Variants in KIF13B observed in about 807,000 individuals in gnomAD.
KIF13B encodes kinesin family member 13B, also known as kinesin-like protein KIF13B.
In KIF13B, 127 loss-of-function variants were observed where a neutral mutation model predicts 222.0. The observed-to-expected ratio is 0.57, with a 90% CI of 0.50 to 0.66. The LOEUF is 0.66. Ranked by LOEUF, KIF13B falls within the 30% of genes least tolerant of loss-of-function variation. KIF13B has a pLI of 0.00. For missense variants in KIF13B, 2,173 were observed against 2,379.0 expected (o/e 0.91, Z 1.80); for synonymous variants, 976 against 919.0 (o/e 1.06, Z -1.12).
In KIF13B at chr8:29,130,568, C is replaced by T; in HGVS notation, c.3040G>A (p.Asp1014Asn). ...TGGAAGATTCCTCCTGTTGGGACAT[C>T]CTTTGCAGAAATCACTTCTACAGGG... ...YCPVEVISAK[D>N]VPTGGIFQLR... Residue 1014 changes from aspartate to asparagine, a missense_variant, in exon 24 of 40, where the codon GAT becomes AAT. Coordinates refer to ENST00000524189, the MANE Select transcript of KIF13B (RefSeq NM_015254.4). 1 of 1,613,792 alleles carries T rather than the reference C, an allele frequency of 6.2e-7. No homozygotes were observed. Among genetic ancestry groups the T allele is most frequent in the Non-Finnish European group, 8.5e-7 (1 of 1,179,744 alleles).
chr8:29,133,204 T>C (rs17527201), intron 22 of KIF13B, among the ~76,000 whole-genome samples: 18,828 of 152,244 alleles, frequency 0.12, 1,252 homozygotes, highest in Middle Eastern at 0.16. Flanking sequence ...TCACCAGCCA[T>C]GGACAAACCA....
chr8:29,075,369 G>C (rs779941766), intron 37 of KIF13B, 26 bp from the exon 38 acceptor site: 2 of 1,549,650 alleles, frequency 1.3e-6, no homozygotes, highest in East Asian at 4.9e-5. Flanking sequence ...TGCAGGTCAG[G>C]GGTCGAGAGG....
At chr8:29,078,279 C>CA (rs1306510216) in intron 37 of KIF13B, among the ~76,000 whole-genome samples, 1 of 130,322 alleles carries the variant, frequency 7.7e-6, no homozygotes, top group African/African-American at 3.0e-5. Flanking sequence ...GCCTGGCCAA[C>CA]AATAGCAAAA....
At chr8:29,249,581 G>GT (rs1816190534) in intron 1 of KIF13B, among the ~76,000 whole-genome samples, 1 of 151,846 alleles carries the variant, frequency 6.6e-6, no homozygotes, top group Admixed American at 6.6e-5. Flanking sequence ...AAAGGTAATT[G>GT]TTTTTTTCAC....
chr8:29,255,172 C>G (rs1368368771), intron 1 of KIF13B, among the ~76,000 whole-genome samples: 1 of 152,090 alleles, frequency 6.6e-6, no homozygotes, highest in African/African-American at 2.4e-5. Context: ...TTACAAGGTT[C>G]CTCTGTGGGG....
intron 37 of KIF13B, among the ~76,000 whole-genome samples, chr8:29,077,621 T>C (rs1248129497): frequency 1.3e-5 from 2 of 152,222 alleles, no homozygotes; most frequent in Admixed American, 6.5e-5. Context: ...GCGCCTAACA[T>C]GAAACCTTTT....
chr8:29,130,794 G>T, intron 23 of KIF13B, 129 bp from the exon 24 acceptor site: 1 of 784,084 alleles, frequency 1.3e-6, no homozygotes, highest in East Asian at 2.6e-5. Flanking sequence ...ATGATCTGTA[G>T]TTCAGTGAAT....
chr8:29,208,009 C>G (rs890567533), intron 2 of KIF13B, among the ~76,000 whole-genome samples: 8 of 152,174 alleles, frequency 5.3e-5, no homozygotes, highest in African/African-American at 1.9e-4. Context: ...CAAGTCCTTG[C>G]CCTCAAGGAG....
intron 13 of KIF13B, among the ~76,000 whole-genome samples, chr8:29,160,392 A>G (rs1186188926): frequency 6.6e-6 from 1 of 152,254 alleles, no homozygotes; most frequent in Non-Finnish European, 1.5e-5. Context: ...TGTGCTTCAC[A>G]TAAACCATAA....
At chr8:29,156,330 G>A (rs1811524213) in intron 13 of KIF13B, among the ~76,000 whole-genome samples, 1 of 152,114 alleles carries the variant, frequency 6.6e-6, no homozygotes, top group Non-Finnish European at 1.5e-5. Flanking sequence ...CAGGAAGGGA[G>A]CGAGATTTGG....
intron 37 of KIF13B, among the ~76,000 whole-genome samples, chr8:29,088,224 C>A (rs1414490126): frequency 2.0e-5 from 3 of 151,998 alleles, no homozygotes; most frequent in Middle Eastern, 6.8e-3. Flanking sequence ...TGAGATCGCA[C>A]CACTGTACTC....
intron 25 of KIF13B, among the ~76,000 whole-genome samples, 162 bp downstream of exon 25, chr8:29,126,960 C>T (rs1254217826): frequency 6.6e-6 from 1 of 152,032 alleles, no homozygotes; most frequent in Non-Finnish European, 1.5e-5. Flanking sequence ...CAGTCCGATG[C>T]AGTGATTCCA....
intron 2 of KIF13B, among the ~76,000 whole-genome samples, chr8:29,242,793 T>C (rs921050388): frequency 1.3e-4 from 20 of 152,220 alleles, no homozygotes; most frequent in Non-Finnish European, 2.4e-4. Flanking sequence ...TGTTTTGACC[T>C]GGTTTTCCAA....
intron 2 of KIF13B, among the ~76,000 whole-genome samples, chr8:29,224,457 T>G (rs1161548667): frequency 2.0e-5 from 3 of 152,176 alleles, no homozygotes; most frequent in African/African-American, 7.2e-5. Context: ...AACTTCAAAG[T>G]TGTGTTGAAT....
At chr8:29,193,014 A>G (rs538005021) in intron 3 of KIF13B, among the ~76,000 whole-genome samples, 216 of 152,294 alleles carry the variant, frequency 1.4e-3, no homozygotes, top group African/African-American at 4.9e-3. Context: ...GGAGGCAGAT[A>G]ACCCTGGCAG....
rs1334460577 is a variant in KIF13B at position 29,191,030 on chromosome 8, A to G, written c.190T>C (p.Ser64Pro). The change falls in exon 4 of 40, where the codon TCT (serine) becomes CCT (proline). Residue 64 changes from serine to proline, a missense_variant. Transcript: ENST00000524189. The stretch of plus-strand genomic sequence containing the variant: ...TTTTCTTTGACAGATTCATCCATAG[A>G]CCAGAAACAATGATCATAAGCAAAC... ...KVFAYDHCFW[S>P]MDESVKEKYA... is the part of the protein sequence containing the mutation. The G allele has an allele frequency of 6.2e-7, 1 of 1,612,562 alleles. No individual in the cohort carries two copies. Among genetic ancestry groups the G allele is most frequent in the South Asian group, 1.1e-5 (1 of 90,826 alleles).
At chr8:29,195,193 A>C (rs933816059) in intron 3 of KIF13B, among the ~76,000 whole-genome samples, 1 of 152,198 alleles carries the variant, frequency 6.6e-6, no homozygotes, top group Non-Finnish European at 1.5e-5. Flanking sequence ...GATTGCAGTG[A>C]GCCAAGATCA....
At chr8:29,262,947 C>T (rs1816742713) in intron 1 of KIF13B, 33 bp downstream of exon 1, 1 of 1,534,940 alleles carries the variant, frequency 6.5e-7, no homozygotes, top group Non-Finnish European at 8.8e-7. Flanking sequence ...CTGCCGCCTC[C>T]GCCCCGGCGG....
intron 26 of KIF13B, 137 bp downstream of exon 26, chr8:29,126,345 C>T: frequency 1.6e-6 from 1 of 638,790 alleles, no homozygotes; most frequent in South Asian, 2.1e-5. Flanking sequence ...GTTCCCTACT[C>T]TGTTTTACTT....
Sources: gnomAD v4.1 joint callset for allele counts (sites outside exome capture counted in the v4.1 genomes callset) on GRCh38, gnomAD v4.1.1 for gene constraint, MANE v1.5 for transcripts, NCBI Gene and HGNC (gene_info 2026-07-23, HGNC 2026-07-21) for gene names.